Variants in GUCY1B1 observed in about 807,000 individuals in gnomAD.
GUCY1B1 encodes guanylate cyclase 1 soluble subunit beta 1, also known as guanylate cyclase soluble subunit beta-1.
A neutral mutation model predicts 71.0 loss-of-function variants in GUCY1B1; 43 were observed. That is an observed-to-expected ratio of 0.61 (90% CI 0.47 to 0.78). The LOEUF is 0.78. GUCY1B1 is among the 30% of genes least tolerant of loss of function. The pLI, the probability that GUCY1B1 is intolerant of heterozygous loss-of-function variation, is 0.00. For missense variants in GUCY1B1, 535 were observed against 754.1 expected, an observed-to-expected ratio of 0.71 and a Z score of 3.40; for synonymous variants, 266 against 259.7, an observed-to-expected ratio of 1.02 and a Z score of -0.23.
chr4:155,766,122 T>G (rs1737317449), intron 2 of GUCY1B1, among the ~76,000 whole-genome samples: 1 of 152,158 alleles, frequency 6.6e-6, no homozygotes, highest in Non-Finnish European at 1.5e-5. Context: ...ATATGGATGT[T>G]TATATGTGAA....
chr4:155,795,386 C>T lies in GUCY1B1; in HGVS notation c.772C>T (p.Arg258Cys). 3 of 1,610,820 alleles carry T rather than the reference C, an allele frequency of 1.9e-6. No homozygotes were observed. Among genetic ancestry groups the T allele is most frequent in the Non-Finnish European group, 2.5e-6 (3 of 1,177,508 alleles). Reference protein sequence around the residue: ...CSLLSVFSLVRPHIDISFHGI... With the variant: ...CSLLSVFSLVCPHIDISFHGI... ...CCTTCTGTCTGTCTTCTCGCTGGTT[C>T]GTCCTCATATTGATATTAGTTTCCA... is the stretch of plus-strand genomic sequence containing the variant. The change falls in exon 7 of 14, where the codon CGT becomes TGT. Residue 258 changes from arginine to cysteine, a missense_variant. By Grantham distance (180) the Arg-to-Cys change is radical. Coordinates refer to ENST00000264424, the MANE Select transcript of GUCY1B1 (RefSeq NM_000857.5).
rs1230236639 is a variant in GUCY1B1 at position 155,802,768 on chromosome 4, G to T, written c.1413+189G>T. Among the ~76,000 whole-genome samples the T allele has an allele frequency of 6.6e-6, 1 of 152,086 alleles. No individual in the cohort carries two copies. The highest frequency in any genetic ancestry group is 1.5e-5 in the Non-Finnish European group (1 of 68,028). On this transcript the variant is annotated intron_variant, in intron 10 of 13. Transcript: ENST00000264424. This position sits in a 1 kb window ranked among gnomAD's most constrained non-coding sequence, Gnocchi z 4.3. The stretch of plus-strand genomic sequence containing the variant: ...CTTGTTATAAAACTGTCTCTTCCTT[G>T]TAACCACAATGAATGTTTCATGAAG...
rs754757080 is a variant in GUCY1B1, at chr4:155,803,748, A to T, written c.1538A>T (p.Asp513Val). 3.1e-6 allele frequency: 5 copies of T among 1,592,086 alleles called. No individual in the cohort carries two copies. Among genetic ancestry groups the T allele is most frequent in the East Asian group, 4.5e-5 (2 of 44,296 alleles). The stretch of plus-strand genomic sequence containing the variant: ...GAAATTGCTGGCCAGGTTCAAGTAG[A>T]TGGTGAATCTGTTCAGGTTAGTAAA... ...MMEIAGQVQV[D>V]GESVQITIGI... The change falls in exon 11 of 14, where the codon GAT becomes GTT. Residue 513 changes from aspartate (D) to valine (V), a missense_variant. Asp to Val is a radical substitution (Grantham distance 152). Transcript: ENST00000264424.
At chr4:155,764,244 T>TTTTAA (rs1737186539) in intron 2 of GUCY1B1, among the ~76,000 whole-genome samples, 1 of 152,228 alleles carries the variant, frequency 6.6e-6, no homozygotes, top group Non-Finnish European at 1.5e-5. Context: ...CCTATGTATG[T>TTTTAA]TTTAAAGTAG....
chr4:155,805,390 A>G (rs1221350446), intron 13 of GUCY1B1, among the ~76,000 whole-genome samples, 161 bp downstream of exon 13: 1 of 152,204 alleles, frequency 6.6e-6, no homozygotes, highest in African/African-American at 2.4e-5. Flanking sequence ...TAATGAGCCA[A>G]TTACAATCAT....
Position 155,794,055 on chromosome 4 carries a change from G to A in GUCY1B1, c.695G>A (p.Cys232Tyr), listed in dbSNP as rs1256344688. 1.2e-6 allele frequency: 2 copies of A among 1,609,314 alleles called. No individual in the cohort carries two copies. Among genetic ancestry groups the A allele is most frequent in the South Asian group, 2.2e-5 (2 of 90,970 alleles). ...IFDRDLVVTQCGNAIYRVLPQ... is the reference protein window; with the variant it reads ...IFDRDLVVTQYGNAIYRVLPQ... ...GACCGGGACCTAGTGGTCACTCAGT[G>A]TGGCAATGCTATATACAGAGTTCTC... is the stretch of plus-strand genomic sequence containing the variant. The change falls in exon 6 of 14, where the codon TGT becomes TAT. Residue 232 changes from cysteine (C) to tyrosine (Y), a missense_variant. Physicochemically the swap from Cys to Tyr is radical, Grantham distance 194. Coordinates refer to ENST00000264424, the MANE Select transcript of GUCY1B1 (RefSeq NM_000857.5).
chr4:155,765,762 T>A (rs1369954328), intron 2 of GUCY1B1, among the ~76,000 whole-genome samples: 1 of 152,166 alleles, frequency 6.6e-6, no homozygotes, highest in Non-Finnish European at 1.5e-5. Context: ...TCCAGCCCCA[T>A]GGGCCTGTTT....
At chr4:155,776,881 A>G (rs1738088211) in intron 3 of GUCY1B1, among the ~76,000 whole-genome samples, 1 of 152,182 alleles carries the variant, frequency 6.6e-6, no homozygotes, top group Non-Finnish European at 1.5e-5. Flanking sequence ...AAGAAGTAGT[A>G]TATCAAATAT....
intron 3 of GUCY1B1, 145 bp downstream of exon 3, chr4:155,775,213 T>C (rs1001731772): frequency 7.8e-6 from 5 of 643,272 alleles, no homozygotes; most frequent in African/African-American, 1.8e-5. Context: ...CATCCACATA[T>C]CATGTTAGGC....
chr4:155,801,287 G>A (rs774913064), intron 9 of GUCY1B1, among the ~76,000 whole-genome samples: 4 of 152,080 alleles, frequency 2.6e-5, no homozygotes, highest in Non-Finnish European at 4.4e-5. Flanking sequence ...GCACCATTTC[G>A]AGTTACTGTG....
rs2111152578 is a variant in GUCY1B1 at position 155,797,996 on chromosome 4, T to A, written c.977+1486T>A. Among the ~76,000 whole-genome samples, 2 of 152,254 alleles carry A rather than the reference T, an allele frequency of 1.3e-5. 1 individual carries two copies. Among genetic ancestry groups the A allele is most frequent in the South Asian group, 4.1e-4 (2 of 4,826 alleles). On this transcript the variant is annotated intron_variant, in intron 8 of 13. Transcript: ENST00000264424. Reference sequence around the variant, plus strand: ...TCAGTAAGTGTTTTCTTCTTCTGCCTCTTCACAGGTTGAGCTTAGGAGAAT... The same window carrying A: ...TCAGTAAGTGTTTTCTTCTTCTGCCACTTCACAGGTTGAGCTTAGGAGAAT...
intron 8 of GUCY1B1, 78 bp downstream of exon 8, chr4:155,796,588 C>A (rs1413958074): frequency 4.2e-6 from 4 of 943,582 alleles, no homozygotes; most frequent in Non-Finnish European, 6.3e-6. Flanking sequence ...ATATTTTATT[C>A]CATTAAATTT....
chr4:155,781,409 C>G (rs1449645820), intron 4 of GUCY1B1, among the ~76,000 whole-genome samples: 1 of 152,116 alleles, frequency 6.6e-6, no homozygotes, highest in Non-Finnish European at 1.5e-5. Flanking sequence ...TATCTTTCCC[C>G]TTGAAAGGCT....
chr4:155,767,928 G>C (rs1034916590), intron 2 of GUCY1B1, among the ~76,000 whole-genome samples: 7 of 152,084 alleles, frequency 4.6e-5, no homozygotes, highest in Non-Finnish European at 8.8e-5. Flanking sequence ...GCAACATTAT[G>C]GTACCAATTC....
chr4:155,759,464 G>A, intron 1 of GUCY1B1: 1 of 501,836 alleles, frequency 2.0e-6, no homozygotes, highest in Non-Finnish European at 3.5e-6. Context: ...GGGAGGCTGA[G>A]CGCCAGCGGA....
At chr4:155,765,161 A>G (rs964812726) in intron 2 of GUCY1B1, among the ~76,000 whole-genome samples, 3 of 152,194 alleles carry the variant, frequency 2.0e-5, no homozygotes, top group East Asian at 3.8e-4. Context: ...AGTTTTGGCA[A>G]ACATTTACTA....
Position 155,759,077 on chromosome 4 carries a change from G to A in GUCY1B1, c.-64G>A, listed in dbSNP as rs1455446130. The A allele has an allele frequency of 2.9e-5, 45 of 1,551,374 alleles. No individual in the cohort carries two copies. The highest frequency in any genetic ancestry group is 3.9e-5 in the Non-Finnish European group (45 of 1,142,564). ...TTGCGCTGTAGCCGCTGCCGCCTCT[G>A]CCTGGGTCCCTTCGGCCGTACCTCT... On this transcript the variant is annotated 5_prime_UTR_variant, in exon 1 of 14. Transcript: ENST00000264424.
At chr4:155,796,983 C>G (rs751106298) in intron 8 of GUCY1B1, among the ~76,000 whole-genome samples, 4 of 152,116 alleles carry the variant, frequency 2.6e-5, no homozygotes, top group Non-Finnish European at 4.4e-5. Flanking sequence ...TTTACCTACT[C>G]TAATCCAAAT....
At chr4:155,776,630 A>G (rs1487915160) in intron 3 of GUCY1B1, among the ~76,000 whole-genome samples, 1 of 152,160 alleles carries the variant, frequency 6.6e-6, no homozygotes, top group Non-Finnish European at 1.5e-5. Flanking sequence ...AGATCCTACC[A>G]GTGCACTACA....
Sources: allele counts gnomAD v4.1 joint callset (sites outside exome capture counted in the v4.1 genomes callset), GRCh38; gene constraint gnomAD v4.1.1; non-coding constraint Gnocchi (gnomAD v3.1); transcripts MANE v1.5; gene names NCBI Gene and HGNC (gene_info 2026-07-23, HGNC 2026-07-21).